PCED1B: variants seen among roughly 807,000 people sequenced by gnomAD.
PCED1B encodes the protein PC-esterase domain containing 1B, also known as PC-esterase domain-containing protein 1B.
For missense variants in PCED1B, 573 were observed against 573.9 expected (o/e 1.00, Z 0.02); for synonymous variants, 251 against 246.1 (o/e 1.02, Z -0.19).
At chr12:47,192,390 A>C (rs554473082) in intron 2 of PCED1B, among the ~76,000 whole-genome samples, 1 of 152,330 alleles carries the variant, frequency 6.6e-6, no homozygotes, top group East Asian at 1.9e-4. Context: ...CAGTAAGCAA[A>C]GTGAAATTGT....
intron 2 of PCED1B, among the ~76,000 whole-genome samples, chr12:47,201,299 G>A (rs1470239679): frequency 1.3e-5 from 2 of 152,082 alleles, no homozygotes; most frequent in African/African-American, 2.4e-5. Flanking sequence ...TCAATCAGAC[G>A]AATTCCTTGG....
At chr12:47,143,937 G>A (rs1369830903) in intron 2 of PCED1B, among the ~76,000 whole-genome samples, 1 of 152,112 alleles carries the variant, frequency 6.6e-6, no homozygotes, top group East Asian at 1.9e-4. Flanking sequence ...AACTCTCTGT[G>A]GCAGCTCTGA....
intron 2 of PCED1B, among the ~76,000 whole-genome samples, chr12:47,147,442 A>G (rs536337267): frequency 1.3e-5 from 2 of 152,112 alleles, no homozygotes; most frequent in Non-Finnish European, 2.9e-5. Flanking sequence ...CCTCAATTCC[A>G]TCTGAGATCT....
intron 1 of PCED1B, among the ~76,000 whole-genome samples, chr12:47,091,673 A>G (rs1212615475): frequency 6.6e-6 from 1 of 152,100 alleles, no homozygotes; most frequent in Non-Finnish European, 1.5e-5. Context: ...TTATTGTTTC[A>G]TCTTTCAATT....
intron 2 of PCED1B, among the ~76,000 whole-genome samples, chr12:47,173,077 A>G (rs891623645): frequency 6.6e-6 from 1 of 152,214 alleles, no homozygotes; most frequent in Non-Finnish European, 1.5e-5. Context: ...TTTGACTCAG[A>G]GCAGCCATGT....
chr12:47,095,759 G>A (rs1476546227), intron 1 of PCED1B, among the ~76,000 whole-genome samples: 3 of 152,116 alleles, frequency 2.0e-5, no homozygotes, highest in African/African-American at 7.2e-5. Context: ...AAATATACAT[G>A]TGATTTTTTC....
intron 1 of PCED1B, among the ~76,000 whole-genome samples, chr12:47,085,101 A>G (rs1477971693): frequency 6.6e-6 from 1 of 152,206 alleles, no homozygotes; most frequent in Admixed American, 6.5e-5. Flanking sequence ...CAGAGATCAC[A>G]TTATTGCACT....
intron 2 of PCED1B, among the ~76,000 whole-genome samples, chr12:47,161,796 G>C (rs1941388030): frequency 6.6e-6 from 1 of 152,164 alleles, no homozygotes; most frequent in South Asian, 2.1e-4. Flanking sequence ...TCATGCTGCT[G>C]TAAAGACACA....
chr12:47,154,441 T>C (rs1417468657), intron 2 of PCED1B, among the ~76,000 whole-genome samples: 2 of 152,144 alleles, frequency 1.3e-5, no homozygotes, highest in African/African-American at 4.8e-5. Flanking sequence ...AGAACCAACT[T>C]TATGTTTCAG....
intron 2 of PCED1B, chr12:47,135,844 G>C (rs1241660001): frequency 2.2e-6 from 1 of 461,222 alleles, no homozygotes; most frequent in Non-Finnish European, 4.3e-6. Flanking sequence ...AGCATCTCAT[G>C]GTTGGTGGAG....
chr12:47,178,098 C>T (rs1941981248), intron 2 of PCED1B, among the ~76,000 whole-genome samples: 1 of 152,074 alleles, frequency 6.6e-6, no homozygotes, highest in Non-Finnish European at 1.5e-5. Flanking sequence ...GCTTAAGGGC[C>T]CACATGACCA....
intron 2 of PCED1B, among the ~76,000 whole-genome samples, chr12:47,184,503 A>G (rs992074096): frequency 5.9e-5 from 9 of 152,148 alleles, no homozygotes; most frequent in African/African-American, 1.7e-4. Flanking sequence ...AGCCCTTCAA[A>G]GCAAGTTTAG....
intron 2 of PCED1B, among the ~76,000 whole-genome samples, chr12:47,162,095 A>G (rs11183762): frequency 0.1 from 14,425 of 144,828 alleles, 1,030 homozygotes; most frequent in Non-Finnish European, 0.15. Flanking sequence ...GGGGAACATC[A>G]CACACTGGGG....
At chr12:47,162,915 C>T (rs957846241) in intron 2 of PCED1B, among the ~76,000 whole-genome samples, 3 of 152,152 alleles carry the variant, frequency 2.0e-5, no homozygotes, top group Non-Finnish European at 4.4e-5. Context: ...TATTCAGGGA[C>T]CACCTAAGAT....
At chr12:47,131,413 T>C (rs1940120040) in intron 2 of PCED1B, among the ~76,000 whole-genome samples, 1 of 152,180 alleles carries the variant, frequency 6.6e-6, no homozygotes, top group Admixed American at 6.5e-5. Flanking sequence ...TCTATTTTCA[T>C]AGAAAACTTG....
chr12:47,195,740 A>G (rs895570886), intron 2 of PCED1B, among the ~76,000 whole-genome samples: 4 of 152,250 alleles, frequency 2.6e-5, no homozygotes, highest in Non-Finnish European at 5.9e-5. Context: ...ACCTGAGTCT[A>G]CCAGAGTTGT....
At chr12:47,217,654 G>A (rs1032131780) in intron 3 of PCED1B, among the ~76,000 whole-genome samples, 1 of 151,958 alleles carries the variant, frequency 6.6e-6, no homozygotes, top group Non-Finnish European at 1.5e-5. Context: ...TCTGCTCACC[G>A]CAACCTCCGC....
chr12:47,230,652 G>A (rs548857320), intron 3 of PCED1B, among the ~76,000 whole-genome samples: 149 of 152,024 alleles, frequency 9.8e-4, no homozygotes, highest in Non-Finnish European at 1.7e-3. Flanking sequence ...ATTTTGGCCA[G>A]GCTGGTCTTG....
intron 2 of PCED1B, among the ~76,000 whole-genome samples, chr12:47,122,231 G>T (rs573294758): frequency 1.3e-5 from 2 of 152,040 alleles, no homozygotes; most frequent in African/African-American, 4.8e-5. Flanking sequence ...CATATTGTTG[G>T]AGAATGTGTA....
Sources: gnomAD v4.1 joint callset for allele counts (sites outside exome capture counted in the v4.1 genomes callset) on GRCh38, gnomAD v4.1.1 for gene constraint, MANE v1.5 for transcripts, NCBI Gene and HGNC (gene_info 2026-07-23, HGNC 2026-07-21) for gene names.